Variants in WWOX observed in about 807,000 individuals in gnomAD.
WWOX encodes the protein WW domain-containing oxidoreductase.
In WWOX, 69 loss-of-function variants were observed where a neutral mutation model predicts 46.2. The ratio of observed to expected loss-of-function variants is 1.49; its 90% confidence interval spans 1.23 to 1.82. The LOEUF is 1.82. WWOX is among the 40% of genes most tolerant of loss of function. The probability of loss-of-function intolerance (pLI) is 0.00; values close to 1 mark genes in which losing one functional copy is unlikely to be tolerated. For missense variants in WWOX, 919 were observed against 542.6 expected (o/e 1.69, Z -6.89); for synonymous variants, 359 against 202.6 (o/e 1.77, Z -6.56).
chr16:78,139,217 C>A (rs1031539932), intron 4 of WWOX, among the ~76,000 whole-genome samples: 2 of 152,070 alleles, frequency 1.3e-5, no homozygotes, highest in African/African-American at 4.8e-5. Flanking sequence ...GAGAGATAAT[C>A]CTAGCTTTCT....
At chr16:78,158,103 C>T (rs2034665798) in intron 4 of WWOX, among the ~76,000 whole-genome samples, 1 of 152,182 alleles carries the variant, frequency 6.6e-6, no homozygotes, top group South Asian at 2.1e-4. Flanking sequence ...TTCCTCTGTG[C>T]TATGCTGATT....
At position 79,166,440 on chromosome 16, in the gene WWOX, T is replaced by A. The variant is rs115072861; in HGVS notation, c.1057-45168T>A. 1.8e-3 allele frequency among the ~76,000 whole-genome samples: 271 copies of A among 152,310 alleles called. 1 individual carries two copies. The highest frequency in any genetic ancestry group is 6.0e-3 in the African/African-American group (248 of 41,572). On this transcript the variant is annotated intron_variant, in intron 8 of 8. Coordinates refer to ENST00000566780, the MANE Select transcript of WWOX (RefSeq NM_016373.4). Reference sequence around the variant, plus strand: ...CATTCCAATGATAAATCCTCCCTCCTTTGTCACAGAGCCACTGTGTACTTT... The same window carrying A: ...CATTCCAATGATAAATCCTCCCTCCATTGTCACAGAGCCACTGTGTACTTT...
At chr16:78,964,081 C>G (rs1173723447) in intron 8 of WWOX, among the ~76,000 whole-genome samples, 1 of 152,160 alleles carries the variant, frequency 6.6e-6, no homozygotes, top group African/African-American at 2.4e-5. Flanking sequence ...TTCCCGGTCT[C>G]AGGTTATGTC....
intron 8 of WWOX, chr16:78,552,375 A>G (rs908757144): frequency 5.3e-5 from 8 of 152,222 alleles, no homozygotes; most frequent in Non-Finnish European, 8.8e-5. Context: ...TTAATGAATA[A>G]AAGCACTGAC....
chr16:78,891,842 A>G (rs2044597408), intron 8 of WWOX: 1 of 152,194 alleles, frequency 6.6e-6, no homozygotes, highest in South Asian at 2.1e-4. Context: ...AAAAAAAATT[A>G]AACTTTAAAT....
chr16:78,550,790 A>G (rs1280363044), intron 8 of WWOX: 1 of 152,128 alleles, frequency 6.6e-6, no homozygotes, highest in Non-Finnish European at 1.5e-5. Context: ...ATAACTTGGG[A>G]AAAAGTCAGG....
At chr16:78,238,553 T>C (rs1170947068) in intron 5 of WWOX, among the ~76,000 whole-genome samples, 1 of 152,146 alleles carries the variant, frequency 6.6e-6, no homozygotes, top group Non-Finnish European at 1.5e-5. Context: ...AGAAATGTCA[T>C]TGTTATAGGA....
chr16:78,693,118 A>G (rs988027078), intron 8 of WWOX, among the ~76,000 whole-genome samples: 5 of 152,188 alleles, frequency 3.3e-5, no homozygotes, highest in African/African-American at 4.8e-5. Flanking sequence ...AGATGCTTGT[A>G]AATGTATGTT....
intron 6 of WWOX, among the ~76,000 whole-genome samples, chr16:78,407,406 A>C (rs1473578491): frequency 1.3e-5 from 2 of 152,184 alleles, no homozygotes; most frequent in Admixed American, 6.5e-5. Context: ...GCTGTGTCTG[A>C]AATTGAATCC....
intron 8 of WWOX, among the ~76,000 whole-genome samples, chr16:78,839,755 T>G (rs1299641121): frequency 1.3e-5 from 2 of 152,118 alleles, no homozygotes; most frequent in Non-Finnish European, 2.9e-5. Flanking sequence ...TGGTTGGTGA[T>G]GCTAAATTGG....
At chr16:78,614,564 A>G (rs1289191150) in intron 8 of WWOX, among the ~76,000 whole-genome samples, 1 of 152,160 alleles carries the variant, frequency 6.6e-6, no homozygotes, top group East Asian at 1.9e-4. Context: ...ACACCTGTTG[A>G]TGCCATTCTC....
chr16:78,754,585 A>G (rs966301923), intron 8 of WWOX, among the ~76,000 whole-genome samples: 3 of 152,146 alleles, frequency 2.0e-5, no homozygotes, highest in African/African-American at 7.2e-5. Flanking sequence ...TTTCTCATTT[A>G]TCAACCAGTT....
At chr16:78,579,400 G>T (rs988902574) in intron 8 of WWOX, among the ~76,000 whole-genome samples, 2 of 152,142 alleles carry the variant, frequency 1.3e-5, no homozygotes, top group Admixed American at 6.5e-5. Flanking sequence ...GGTAAACTGA[G>T]TTCACCAGGC....
At chr16:78,800,456 C>G (rs546543667) in intron 8 of WWOX, among the ~76,000 whole-genome samples, 1 of 152,066 alleles carries the variant, frequency 6.6e-6, no homozygotes, top group Non-Finnish European at 1.5e-5. Context: ...GAAAATGGCC[C>G]CAAATAAAGT....
chr16:78,267,237 A>T (rs1263451609), intron 5 of WWOX: 1 of 152,154 alleles, frequency 6.6e-6, no homozygotes, highest in Non-Finnish European at 1.5e-5. Context: ...GTACCCACAC[A>T]CACGTAATTT....
At chr16:78,808,157 C>A (rs2051092181) in intron 8 of WWOX, among the ~76,000 whole-genome samples, 1 of 152,136 alleles carries the variant, frequency 6.6e-6, no homozygotes, top group South Asian at 2.1e-4. Flanking sequence ...TTTTTGGCAC[C>A]CATGTTATTC....
chr16:78,188,179 A>C (rs558652702), intron 5 of WWOX, among the ~76,000 whole-genome samples: 15 of 152,324 alleles, frequency 9.8e-5, no homozygotes, highest in South Asian at 8.3e-4. Context: ...AAGAGTTTAC[A>C]TCTGAACATA....
chr16:78,510,552 C>G (rs560497406), intron 8 of WWOX, among the ~76,000 whole-genome samples: 11 of 152,292 alleles, frequency 7.2e-5, no homozygotes, highest in African/African-American at 9.6e-5. Context: ...TCAAGCAATA[C>G]TTACATGTAA....
chr16:78,224,300 G>C (rs930645107), intron 5 of WWOX, among the ~76,000 whole-genome samples: 2 of 151,920 alleles, frequency 1.3e-5, no homozygotes, highest in South Asian at 4.2e-4. Context: ...ACCACGTCCG[G>C]CCTGTTTTTC....
Sources: allele counts gnomAD v4.1 joint callset (sites outside exome capture counted in the v4.1 genomes callset), GRCh38; gene constraint gnomAD v4.1.1; transcripts MANE v1.5; gene names NCBI Gene and HGNC (gene_info 2026-07-23, HGNC 2026-07-21).